Variants in ABCB4 observed in about 807,000 individuals in gnomAD.
ABCB4 encodes ATP binding cassette subfamily B member 4, also known as phosphatidylcholine translocator ABCB4.
A neutral mutation model predicts 145.7 loss-of-function variants in ABCB4; 76 were observed. The observed-to-expected ratio is 0.52, with a 90% CI of 0.43 to 0.63. ABCB4 has a LOEUF of 0.63. Among genes scored for constraint, ABCB4 ranks in the 30% least tolerant of loss-of-function variants. The pLI, the probability that ABCB4 is intolerant of heterozygous loss-of-function variation, is 0.00. For synonymous variants in ABCB4, 517 were observed against 566.8 expected (o/e 0.91, Z 1.25); for missense variants, 1,234 against 1,553.1 (o/e 0.79, Z 3.45).
chr7:87,421,219 C>T lies in ABCB4; in HGVS notation c.2316+902G>A, dbSNP rs537731564. Among the ~76,000 whole-genome samples the T allele has an allele frequency of 5.9e-5, 9 of 152,234 alleles. No homozygotes were observed. The South Asian group carries it at 8.3e-4, about 14-fold the overall frequency. On this transcript the variant is annotated intron_variant, in intron 18 of 27. Coordinates refer to ENST00000649586, the MANE Select transcript of ABCB4 (RefSeq NM_000443.4). ...TTGGGGTAGCCGTGCCGAGGGCACA[C>T]GGGGGAGTGCACATCAGAACTGTTT...
At chr7:87,453,430 C>T (rs1811894813) in intron 5 of ABCB4, among the ~76,000 whole-genome samples, 1 of 152,074 alleles carries the variant, frequency 6.6e-6, no homozygotes, top group Non-Finnish European at 1.5e-5. Context: ...GTGATCTGCT[C>T]ACCTCCGCCT....
intron 3 of ABCB4, among the ~76,000 whole-genome samples, chr7:87,468,863 G>T (rs759403069): frequency 6.6e-6 from 1 of 151,802 alleles, no homozygotes; most frequent in African/African-American, 2.4e-5. Flanking sequence ...CCCGGGAGGC[G>T]CAGCTTGCAG....
rs527352470 is a variant in ABCB4, at chr7:87,457,704, C to T, written c.287-3112G>A. On this transcript the variant is annotated intron_variant, in intron 4 of 27. Coordinates refer to ENST00000649586, the MANE Select transcript of ABCB4 (RefSeq NM_000443.4). ...TATCAGTAAATTGATGCTTACCTCT[C>T]AAAGATGAGAACAGTAAGGATTATA... 2.6e-5 allele frequency among the ~76,000 whole-genome samples: 4 copies of T among 152,252 alleles called. No individual in the cohort carries two copies. The South Asian group carries it at 8.3e-4, about 32-fold the overall frequency.
chr7:87,424,397 C>T (rs1261998650), intron 16 of ABCB4, among the ~76,000 whole-genome samples: 1 of 152,210 alleles, frequency 6.6e-6, no homozygotes, highest in Non-Finnish European at 1.5e-5. Context: ...GTGTGACAGT[C>T]ATGGCTGGAC....
At chr7:87,443,867 T>C (rs1286970268) in intron 10 of ABCB4, 94 bp from the exon 11 acceptor site, 9 of 893,164 alleles carry the variant, frequency 1.0e-5, no homozygotes, top group Admixed American at 1.9e-5. Context: ...AAATAGGACC[T>C]GGAATGTCAC....
chr7:87,447,276 C>T (rs918108883), intron 8 of ABCB4, 71 bp from the exon 9 acceptor site: 145 of 1,454,684 alleles, frequency 1.0e-4, no homozygotes, highest in Non-Finnish European at 1.3e-4. Flanking sequence ...ACACTCGGCT[C>T]CTATATAGTT....
At chr7:87,382,179 G>T in the ABCB4 span, 6 of 1,597,860 alleles carry the variant, frequency 3.8e-6, no homozygotes, top group Non-Finnish European at 5.1e-6. Context: ...GTATCTCAGG[G>T]AGGTATATTT....
At chr7:87,381,973 C>T in the ABCB4 span, 7 of 1,608,096 alleles carry the variant, frequency 4.4e-6, no homozygotes, top group Non-Finnish European at 5.1e-6. Context: ...GAAAATTTTT[C>T]AGAATGAAGG....
At chr7:87,381,872 CAT>C in the ABCB4 span, 11 of 1,400,230 alleles carry the variant, frequency 7.9e-6, no homozygotes, top group South Asian at 7.5e-5. Flanking sequence ...TTTAAGTTGA[CAT>C]AAAGTATTCA....
chr7:87,442,692 A>AGGT (rs1811067986), intron 12 of ABCB4, among the ~76,000 whole-genome samples: 4 of 152,164 alleles, frequency 2.6e-5, no homozygotes, highest in Non-Finnish European at 5.9e-5. Flanking sequence ...TGATAAAGCA[A>AGGT]GTGGGTCAAA....
intron 10 of ABCB4, 133 bp from the exon 11 acceptor site, chr7:87,443,906 A>T: frequency 1.4e-6 from 1 of 711,416 alleles, no homozygotes. Context: ...AAAACCCAAG[A>T]TGAAGATTGT....
chr7:87,401,726 G>T lies in ABCB4; in HGVS notation c.*370C>A, dbSNP rs1463758586. 2.6e-5 allele frequency: 8 copies of T among 310,144 alleles called. No homozygotes were observed. Among genetic ancestry groups the T allele is most frequent in the Non-Finnish European group, 3.8e-5 (6 of 159,560 alleles). 19.2% of individuals were successfully genotyped at this position (310,144 alleles called of 1,614,324 possible). A position where few individuals can be genotyped will look rare whatever the true frequency, so the allele number is the denominator to read the frequency against. On this transcript the variant is annotated 3_prime_UTR_variant, in exon 28 of 28. Transcript: ENST00000649586. The stretch of plus-strand genomic sequence containing the variant: ...CTATTGAACAATTTATTTTTCTTTT[G>T]TACTTGGGAAAATTATTCCCAAACT...
the ABCB4 span, among the ~76,000 whole-genome samples, chr7:87,383,205 G>A: frequency 6.6e-6 from 1 of 152,044 alleles, no homozygotes; most frequent in East Asian, 1.9e-4. Context: ...AACACTAGAA[G>A]TTATTCCATC....
chr7:87,475,576 C>T (rs1232296588), intron 1 of ABCB4, 58 bp downstream of exon 1: 2 of 1,115,766 alleles, frequency 1.8e-6, no homozygotes, highest in African/African-American at 1.5e-5. Context: ...CCACTCCCGC[C>T]CCGCGCCCCA....
intron 8 of ABCB4, among the ~76,000 whole-genome samples, chr7:87,448,876 C>T (rs1256491049): frequency 6.6e-6 from 1 of 152,046 alleles, no homozygotes; most frequent in East Asian, 1.9e-4. Flanking sequence ...ATTTTTATAT[C>T]CAAGAGTTGT....
intron 14 of ABCB4, among the ~76,000 whole-genome samples, chr7:87,434,135 G>A (rs1339243389): frequency 6.8e-6 from 1 of 147,758 alleles, no homozygotes; most frequent in Non-Finnish European, 1.5e-5. Context: ...ATAGAGACAG[G>A]GTTTCACCAT....
intron 3 of ABCB4, among the ~76,000 whole-genome samples, chr7:87,471,366 T>A (rs1454298229): frequency 6.6e-6 from 1 of 151,714 alleles, no homozygotes; most frequent in Non-Finnish European, 1.5e-5. Context: ...AAGTATAATT[T>A]AAACAAATTT....
intron 2 of ABCB4, among the ~76,000 whole-genome samples, chr7:87,474,008 T>C (rs1207451785): frequency 6.6e-6 from 1 of 152,252 alleles, no homozygotes; most frequent in African/African-American, 2.4e-5. Flanking sequence ...TTTATAAAAA[T>C]TAGTTTCACT....
chr7:87,425,162 T>A (rs1809721669), intron 16 of ABCB4, among the ~76,000 whole-genome samples: 1 of 152,144 alleles, frequency 6.6e-6, no homozygotes, highest in African/African-American at 2.4e-5. Flanking sequence ...TCAGACTTAA[T>A]CTCTCCCTCT....
Sources: allele counts gnomAD v4.1 joint callset (sites outside exome capture counted in the v4.1 genomes callset), GRCh38; gene constraint gnomAD v4.1.1; transcripts MANE v1.5; gene names NCBI Gene and HGNC (gene_info 2026-07-23, HGNC 2026-07-21).